Variants in ESPL1 observed in about 807,000 individuals in gnomAD.
ESPL1 encodes extra spindle pole bodies like 1, separase, also known as separin.
ESPL1 carries 50 observed loss-of-function variants against 217.2 expected under a neutral mutation model. The ratio of observed to expected loss-of-function variants is 0.23; its 90% confidence interval spans 0.18 to 0.29. The LOEUF (loss-of-function observed/expected upper bound fraction) is 0.29, where lower values mean the gene tolerates loss of function less well. Ranked by LOEUF, ESPL1 falls within the 10% of genes least tolerant of loss-of-function variation. The probability of loss-of-function intolerance (pLI) is 1.00; values close to 1 mark genes in which losing one functional copy is unlikely to be tolerated. For synonymous variants in ESPL1, 994 were observed against 1,081.3 expected, an observed-to-expected ratio of 0.92 and a Z score of 1.58; for missense variants, 1,834 against 2,603.0, an observed-to-expected ratio of 0.70 and a Z score of 6.43.
chr12:53,282,157 C>T lies in ESPL1; in HGVS notation c.2620-107C>T, dbSNP rs1592488255. 1 of 878,286 alleles carries T rather than the reference C, an allele frequency of 1.1e-6. No homozygotes were observed. The highest frequency in any genetic ancestry group is 1.8e-6 in the Non-Finnish European group (1 of 546,648). 54.4% of individuals were successfully genotyped at this position (878,286 alleles called of 1,614,324 possible). A position where few individuals can be genotyped will look rare whatever the true frequency, so the allele number is the denominator to read the frequency against. On this transcript the variant is annotated intron_variant, in intron 13 of 30. Coordinates refer to ENST00000257934, the MANE Select transcript of ESPL1 (RefSeq NM_012291.5). This position sits in a 1 kb window ranked among gnomAD's most constrained non-coding sequence, Gnocchi z 4.0. ...ATATTCAGAAAATTCTAAAATCTTT[C>T]TAATACCCAGGGCCTTCAGGGATGG...
At chr12:53,277,989 C>T (rs1943800102) in intron 11 of ESPL1, 29 bp downstream of exon 11, 1 of 1,607,450 alleles carries the variant, frequency 6.2e-7, no homozygotes, top group South Asian at 1.1e-5. Context: ...GAGGGGGACC[C>T]ATATAAACAA....
intron 12 of ESPL1, 134 bp downstream of exon 12, chr12:53,280,000 G>A: frequency 9.8e-7 from 1 of 1,024,802 alleles, no homozygotes; most frequent in South Asian, 1.7e-5. Flanking sequence ...GAATTGTGGA[G>A]TGTGGAGCAG....
intron 20 of ESPL1, 147 bp from the exon 21 acceptor site, chr12:53,288,943 G>C: frequency 1.4e-6 from 1 of 732,168 alleles, no homozygotes; most frequent in Non-Finnish European, 2.3e-6. Flanking sequence ...TAGTTGCATG[G>C]CACCCCACTT....
intron 6 of ESPL1, 132 bp downstream of exon 6, chr12:53,272,989 C>A: frequency 2.4e-6 from 2 of 829,620 alleles, no homozygotes; most frequent in Non-Finnish European, 3.7e-6. Context: ...GTATCTGGAG[C>A]AGTGTTTCCC....
At chr12:53,278,109 T>C (rs956258094) in intron 11 of ESPL1, 149 bp downstream of exon 11, 9 of 868,354 alleles carry the variant, frequency 1.0e-5, no homozygotes, top group African/African-American at 5.1e-5. Context: ...TTATTTTAAA[T>C]CCAAGCTCCC....
Position 53,269,851 on chromosome 12 carries a change from T to C in ESPL1, c.909T>C (p.Val303=). 6.2e-7 allele frequency: 1 copy of C among 1,614,158 alleles called. No homozygotes were observed. Among genetic ancestry groups the C allele is most frequent in the African/African-American group, 1.3e-5 (1 of 75,036 alleles). ...AGCTGGGGGTTAAGCTGCTGCAGGTTGGGGAGGAAGGACCTCAGGCAGTGG... is the reference window on the plus strand; with the variant it reads ...AGCTGGGGGTTAAGCTGCTGCAGGTCGGGGAGGAAGGACCTCAGGCAGTGG... ...LCQLGVKLLQ[V]GEEGPQAVAK... is the part of the protein sequence containing the mutation. The change falls in exon 3 of 31, where the codon GTT becomes GTC. Residue 303 remains valine, a synonymous_variant. Coordinates refer to ENST00000257934, the MANE Select transcript of ESPL1 (RefSeq NM_012291.5). The surrounding 1 kb of genome is among the most constrained non-coding windows in gnomAD (Gnocchi z 6.7).
At position 53,293,161 on chromosome 12, in the gene ESPL1, G is replaced by T; in HGVS notation, c.6162-112G>T. Reference sequence around the variant, plus strand: ...TCTCTTGTAACCAAGGGCCAAAGGAGTTTCTCATTGGTTCAATCCTCTCCA... The same window carrying T: ...TCTCTTGTAACCAAGGGCCAAAGGATTTTCTCATTGGTTCAATCCTCTCCA... On this transcript the variant is annotated intron_variant, in intron 30 of 30. Transcript: ENST00000257934. This position sits in a 1 kb window ranked among gnomAD's most constrained non-coding sequence, Gnocchi z 4.2. 9.5e-7 allele frequency: 1 copy of T among 1,053,260 alleles called. No individual in the cohort carries two copies. The allele number at this position is 1,053,260 out of a possible 1,614,324, so 65.2% of individuals were successfully genotyped here. A position where few individuals can be genotyped will look rare whatever the true frequency, so the allele number is the denominator to read the frequency against.
Position 53,292,141 on chromosome 12 carries a change from A to C in ESPL1, c.5796+53A>C. The C allele has an allele frequency of 6.7e-7, 1 of 1,497,308 alleles. No homozygotes were observed. The highest frequency in any genetic ancestry group is 1.1e-5 in the South Asian group (1 of 88,790). 92.8% of individuals were successfully genotyped at this position (1,497,308 alleles called of 1,614,324 possible). A position where few individuals can be genotyped will look rare whatever the true frequency, so the allele number is the denominator to read the frequency against. Reference sequence around the variant, plus strand: ...ATGACTGGCGACTGGGGAAGACGTCAACAAAGAAGGGCAGAGAAACCTGAG... The same window carrying C: ...ATGACTGGCGACTGGGGAAGACGTCCACAAAGAAGGGCAGAGAAACCTGAG... On this transcript the variant is annotated intron_variant, in intron 27 of 30. Transcript: ENST00000257934. The surrounding 1 kb of genome is among the most constrained non-coding windows in gnomAD (Gnocchi z 4.5).
In ESPL1 at chr12:53,286,308, G is replaced by C; in HGVS notation, c.3572G>C (p.Cys1191Ser). 1 of 1,614,182 alleles carries C rather than the reference G, an allele frequency of 6.2e-7. No individual in the cohort carries two copies. The highest frequency in any genetic ancestry group is 8.5e-7 in the Non-Finnish European group (1 of 1,180,052). The change falls in exon 18 of 31, where the codon TGT becomes TCT. Residue 1191 changes from cysteine (C) to serine (S), a missense_variant. Around this residue, in one of 5 missense-constraint regions of ESPL1, gnomAD observed 681 missense variants for 808.0 expected, o/e 0.84. Coordinates refer to ENST00000257934, the MANE Select transcript of ESPL1 (RefSeq NM_012291.5). The surrounding 1 kb of genome is among the most constrained non-coding windows in gnomAD (Gnocchi z 5.3). ...CTGCTGCAGGTCGTGCTGAAGGGCT[G>C]TCCTGAAGCCGCTGAGCGCCTCACC... is the stretch of plus-strand genomic sequence containing the variant. The part of the protein sequence containing the change: ...LDLLQVVLKG[C>S]PEAAERLTQA...
chr12:53,269,032 G>A lies in ESPL1; in HGVS notation c.90G>A (p.Leu30=), dbSNP rs1302178378. The change falls in exon 3 of 31, where the codon CTG becomes CTA. Residue 30 remains leucine (L), a synonymous_variant. Coordinates refer to ENST00000257934, the MANE Select transcript of ESPL1 (RefSeq NM_012291.5). The surrounding 1 kb of genome is among the most constrained non-coding windows in gnomAD (Gnocchi z 6.7). ...TCTTTCTCTACTCCTAGGAGTTCCT[G>A]TCCAACCCTCCAGCTGGTTTTCCCA... ...EELLPALKEF[L]SNPPAGFPSS... 1 of 1,610,928 alleles carries A rather than the reference G, an allele frequency of 6.2e-7. No homozygotes were observed. Among genetic ancestry groups the A allele is most frequent in the Non-Finnish European group, 8.5e-7 (1 of 1,178,132 alleles).
chr12:53,293,021 C>T lies in ESPL1; in HGVS notation c.6161+51C>T. 1.3e-6 allele frequency: 2 copies of T among 1,527,814 alleles called. No individual in the cohort carries two copies. The highest frequency in any genetic ancestry group is 1.8e-6 in the Non-Finnish European group (2 of 1,117,866). The allele number at this position is 1,527,814 out of a possible 1,614,324, so 94.6% of individuals were successfully genotyped here. A position where few individuals can be genotyped will look rare whatever the true frequency, so the allele number is the denominator to read the frequency against. On this transcript the variant is annotated intron_variant, in intron 30 of 30. Transcript: ENST00000257934. This position sits in a 1 kb window ranked among gnomAD's most constrained non-coding sequence, Gnocchi z 4.2. ...CCTAGGGCATTAGGACTCCTGCCCT[C>T]ACCCCAGGTTCTTTCCCAGGTCTGA...
intron 13 of ESPL1, among the ~76,000 whole-genome samples, chr12:53,281,905 T>C (rs1383301443): frequency 6.6e-6 from 1 of 152,194 alleles, no homozygotes; most frequent in Non-Finnish European, 1.5e-5. Flanking sequence ...GCATGGGAGC[T>C]CTGGACTAGA....
chr12:53,282,977 A>G lies in ESPL1; in HGVS notation c.2792-152A>G. On this transcript the variant is annotated intron_variant, in intron 14 of 30. Transcript: ENST00000257934. This position sits in a 1 kb window ranked among gnomAD's most constrained non-coding sequence, Gnocchi z 4.0. ...CCAGCTGAAAGGATTCTGAGACCCC[A>G]GGGGATCTCAGAGGGAAGGAGTTAT... The G allele has an allele frequency of 1.0e-6, 1 of 986,710 alleles. No homozygotes were observed. Among genetic ancestry groups the G allele is most frequent in the Admixed American group, 2.5e-5 (1 of 40,678 alleles). The allele number at this position is 986,710 out of a possible 1,614,324, so 61.1% of individuals were successfully genotyped here.
At chr12:53,272,403 G>A (rs1943691960) in intron 5 of ESPL1, among the ~76,000 whole-genome samples, 1 of 152,094 alleles carries the variant, frequency 6.6e-6, no homozygotes, top group Non-Finnish European at 1.5e-5. Context: ...ATGAGCAAAG[G>A]CTTGGAGGAT....
chr12:53,270,713 C>T lies in ESPL1; in HGVS notation c.1284C>T (p.Asp428=). Residue 428 remains aspartate, a synonymous_variant, in exon 5 of 31, where the codon GAC becomes GAT. Transcript: ENST00000257934. The part of the protein sequence containing the change: ...VDLADLTQLV[D]SCKSTVVWML... Reference sequence around the variant, plus strand: ...TGGCTGACCTGACCCAACTAGTGGACAGTTGTAAATCTACCGTTGTCTGGA... The same window carrying T: ...TGGCTGACCTGACCCAACTAGTGGATAGTTGTAAATCTACCGTTGTCTGGA... 1.2e-6 allele frequency: 2 copies of T among 1,614,086 alleles called. No homozygotes were observed. The highest frequency in any genetic ancestry group is 1.7e-6 in the Non-Finnish European group (2 of 1,179,978).
intron 17 of ESPL1, among the ~76,000 whole-genome samples, chr12:53,284,651 G>A (rs1010783428): frequency 1.3e-5 from 2 of 152,054 alleles, no homozygotes; most frequent in African/African-American, 4.8e-5. Flanking sequence ...CAGAGAGCCT[G>A]TCCCAGACTT....
chr12:53,282,908 C>T lies in ESPL1; in HGVS notation c.2792-221C>T, dbSNP rs963178540. ...ACCTCGGGTGATCCGTCTGCCTCAG[C>T]CTCCCAAAATGCTGGGATTACAGGC... On this transcript the variant is annotated intron_variant, in intron 14 of 30. Transcript: ENST00000257934. This position sits in a 1 kb window ranked among gnomAD's most constrained non-coding sequence, Gnocchi z 4.0. Among the ~76,000 whole-genome samples the T allele has an allele frequency of 3.3e-5, 5 of 152,256 alleles. No homozygotes were observed. The highest frequency in any genetic ancestry group is 7.3e-5 in the Non-Finnish European group (5 of 68,042).
chr12:53,289,153 GTCC>G lies in ESPL1; in HGVS notation c.4777_4779del (p.Pro1593del). On this transcript the variant is annotated inframe_deletion, in exon 21 of 31. Transcript: ENST00000257934. ...GTTGCTTTCCGGGGCATTAGTCACT[GTCC>G]TCCTAGTGGGCTCTATGCCCACCTC... The G allele has an allele frequency of 1.9e-6, 3 of 1,614,210 alleles. No homozygotes were observed. Among genetic ancestry groups the G allele is most frequent in the Non-Finnish European group, 2.5e-6 (3 of 1,180,028 alleles).
At position 53,286,582 on chromosome 12, in the gene ESPL1, C is replaced by G; in HGVS notation, c.3846C>G (p.Cys1282Trp). ...WALTKLGGLS[C>W]CTTQLFASSW... The stretch of plus-strand genomic sequence containing the variant: ...TCACAAAACTAGGTGGCCTCAGCTG[C>G]TGTACTACCCAACTTTTTGCAAGCT... The change falls in exon 18 of 31, where the codon TGC becomes TGG. Residue 1282 changes from cysteine to tryptophan, a missense_variant. By Grantham distance (215) the Cys-to-Trp change is radical. Coordinates refer to ENST00000257934, the MANE Select transcript of ESPL1 (RefSeq NM_012291.5). This position sits in a 1 kb window ranked among gnomAD's most constrained non-coding sequence, Gnocchi z 5.3. 6.2e-7 allele frequency: 1 copy of G among 1,614,196 alleles called. No homozygotes were observed.
Sources: allele counts gnomAD v4.1 joint callset (sites outside exome capture counted in the v4.1 genomes callset), GRCh38; gene constraint gnomAD v4.1.1; regional missense constraint gnomAD v4.1.1; non-coding constraint Gnocchi (gnomAD v3.1); transcripts MANE v1.5; gene names NCBI Gene and HGNC (gene_info 2026-07-23, HGNC 2026-07-21).